The following ACAD10 variants were observed in gnomAD, a reference collection of about 807,000 sequenced individuals.
ACAD10 encodes ACAD-10.
In ACAD10, 112 loss-of-function variants were observed where a neutral mutation model predicts 116.8. That is an observed-to-expected ratio of 0.96 (90% confidence interval 0.82 to 1.12). The LOEUF (loss-of-function observed/expected upper bound fraction) is 1.12, where lower values mean the gene tolerates loss of function less well. Among genes scored for constraint, ACAD10 ranks in the 50% most tolerant of loss-of-function variants. The pLI, the probability that ACAD10 is intolerant of heterozygous loss-of-function variation, is 0.00. For missense variants in ACAD10, 1,259 were observed against 1,350.2 expected, an observed-to-expected ratio of 0.93 and a Z score of 1.06; for synonymous variants, 486 against 510.6, an observed-to-expected ratio of 0.95 and a Z score of 0.65.
intron 2 of ACAD10, among the ~76,000 whole-genome samples, chr12:111,699,907 G>C (rs1434009274): frequency 6.6e-6 from 1 of 151,864 alleles, no homozygotes; most frequent in African/African-American, 2.4e-5. Context: ...GCAACAGCAA[G>C]ACCCCATCTT....
At chr12:111,723,296 C>G (rs1230528095) in intron 8 of ACAD10, among the ~76,000 whole-genome samples, 2 of 136,166 alleles carry the variant, frequency 1.5e-5, no homozygotes, top group African/African-American at 5.5e-5. Flanking sequence ...ACCTCCCAGA[C>G]GGGGCGGCTG....
intron 7 of ACAD10, among the ~76,000 whole-genome samples, chr12:111,721,411 T>C (rs1267063603): frequency 1.3e-5 from 2 of 152,018 alleles, no homozygotes; most frequent in African/African-American, 4.8e-5. Context: ...CTACTACAAA[T>C]ATAAAAATTA....
At chr12:111,711,398 T>C (rs1332257260) in intron 5 of ACAD10, among the ~76,000 whole-genome samples, 1 of 151,938 alleles carries the variant, frequency 6.6e-6, no homozygotes, top group African/African-American at 2.4e-5. Context: ...AGACAGGGTT[T>C]CACTGTGTTA....
intron 4 of ACAD10, among the ~76,000 whole-genome samples, chr12:111,706,556 T>C (rs1025306505): frequency 2.0e-5 from 3 of 151,990 alleles, no homozygotes; most frequent in African/African-American, 7.2e-5. Context: ...TTCAAGTGAT[T>C]CTCATGCCTC....
intron 7 of ACAD10, 30 bp from the exon 8 acceptor site, chr12:111,721,641 A>C: frequency 1.9e-6 from 3 of 1,548,204 alleles, no homozygotes; most frequent in Non-Finnish European, 2.6e-6. Context: ...TTCAGCCAGC[A>C]ATTTTGTTTA....
chr12:111,721,797 A>G (rs1889021641), intron 8 of ACAD10, 58 bp downstream of exon 8: 1 of 1,421,982 alleles, frequency 7.0e-7, no homozygotes, highest in Non-Finnish European at 9.6e-7. Context: ...AAAAGCCCAT[A>G]TGCTAACACA....
At chr12:111,694,865 A>G (rs1888153000) in intron 2 of ACAD10, among the ~76,000 whole-genome samples, 1 of 152,124 alleles carries the variant, frequency 6.6e-6, no homozygotes, top group Non-Finnish European at 1.5e-5. Context: ...GTCTCTACGA[A>G]AAATACAAAA....
At position 111,692,874 on chromosome 12, in the gene ACAD10, T is replaced by G; in HGVS notation, c.165T>G (p.Pro55=). The G allele has an allele frequency of 3.1e-6, 5 of 1,614,150 alleles. No individual in the cohort carries two copies. The highest frequency in any genetic ancestry group is 4.2e-6 in the Non-Finnish European group (5 of 1,180,004). Residue 55 remains proline (P), a synonymous_variant, in exon 2 of 21, where the codon CCT becomes CCG. Coordinates refer to ENST00000313698, the MANE Select transcript of ACAD10 (RefSeq NM_025247.6). ...TCGACATGGGCGGAGTTCTCATTCC[T>G]TCTCCAGGGAGAGTCGCTGCAGGTG... is the stretch of plus-strand genomic sequence containing the variant. ...VIFDMGGVLI[P]SPGRVAAEWE... is the part of the protein sequence containing the mutation.
At chr12:111,740,609 T>G (rs1263740877) in intron 12 of ACAD10, among the ~76,000 whole-genome samples, 1 of 150,378 alleles carries the variant, frequency 6.6e-6, no homozygotes, top group Non-Finnish European at 1.5e-5. Context: ...AATACAAAAA[T>G]TAGCTGGGCT....
chr12:111,746,072 C>T (rs1889887152), intron 13 of ACAD10, 72 bp from the exon 14 acceptor site: 1 of 1,560,900 alleles, frequency 6.4e-7, no homozygotes, highest in African/African-American at 1.4e-5. Context: ...CAATCCCTTT[C>T]ATTGTTTTCC....
chr12:111,726,818 A>G (rs594570), intron 8 of ACAD10, among the ~76,000 whole-genome samples: 54,171 of 151,564 alleles, frequency 0.36, 14,150 homozygotes, highest in East Asian at 0.9. Context: ...CCAAGATCGT[A>G]CCACTGCACT....
At chr12:111,712,320 A>C (rs552936715) in intron 5 of ACAD10, among the ~76,000 whole-genome samples, 178 bp from the exon 6 acceptor site, 1 of 152,266 alleles carries the variant, frequency 6.6e-6, no homozygotes, top group East Asian at 1.9e-4. Flanking sequence ...AACAGATAGG[A>C]GCCCCTGAGG....
intron 6 of ACAD10, chr12:111,715,609 T>G (rs1409488789): frequency 3.5e-6 from 2 of 566,146 alleles, no homozygotes; most frequent in African/African-American, 1.9e-5. Context: ...TTTGACAAAC[T>G]GTAGTGGCAT....
chr12:111,728,412 C>T (rs1350344901), intron 9 of ACAD10, among the ~76,000 whole-genome samples: 1 of 151,718 alleles, frequency 6.6e-6, no homozygotes, highest in Non-Finnish European at 1.5e-5. Context: ...AAATATTCTG[C>T]TATCCAATTC....
intron 9 of ACAD10, among the ~76,000 whole-genome samples, chr12:111,729,446 A>G (rs1255227901): frequency 6.6e-6 from 1 of 152,104 alleles, no homozygotes; most frequent in Non-Finnish European, 1.5e-5. Context: ...GCCATGTTGG[A>G]CAGGCCAGTC....
At chr12:111,754,565 G>A (rs1159765047) in intron 19 of ACAD10, among the ~76,000 whole-genome samples, 1 of 152,210 alleles carries the variant, frequency 6.6e-6, no homozygotes, top group Non-Finnish European at 1.5e-5. Context: ...GCTTTGTCCA[G>A]CTTTCTGTGG....
At chr12:111,723,287 C>A (rs529548570) in intron 8 of ACAD10, among the ~76,000 whole-genome samples, 4 of 136,720 alleles carry the variant, frequency 2.9e-5, no homozygotes, top group Non-Finnish European at 6.5e-5. Flanking sequence ...GCGCCCCTCA[C>A]CTCCCAGACG....
In ACAD10 at chr12:111,749,217, G is replaced by C. The variant is rs748910662; in HGVS notation, c.2689G>C (p.Glu897Gln). 5 of 1,613,924 alleles carry C rather than the reference G, an allele frequency of 3.1e-6. No homozygotes were observed. The African/African-American group carries it at 6.7e-5, about 22-fold the overall frequency. ...VRFEHVRVPK[E>Q]NMVLGPGRGF... ...ATTTGAGCACGTGCGTGTGCCCAAA[G>C]AGAACATGGTCCTGGGCCCTGGCCG... is the stretch of plus-strand genomic sequence containing the variant. The change falls in exon 18 of 21, where the codon GAG becomes CAG. Residue 897 changes from glutamate to glutamine, a missense_variant. Coordinates refer to ENST00000313698, the MANE Select transcript of ACAD10 (RefSeq NM_025247.6).
chr12:111,738,511 A>G (rs975629507), intron 12 of ACAD10, among the ~76,000 whole-genome samples: 1 of 151,366 alleles, frequency 6.6e-6, no homozygotes, highest in Non-Finnish European at 1.5e-5. Flanking sequence ...TAACAATAGG[A>G]AACTTTGGGC....
Sources: allele counts gnomAD v4.1 joint callset (sites outside exome capture counted in the v4.1 genomes callset), GRCh38; gene constraint gnomAD v4.1.1; transcripts MANE v1.5; gene names NCBI Gene and HGNC (gene_info 2026-07-23, HGNC 2026-07-21).